PLEKHA4: variants seen among roughly 807,000 people sequenced by gnomAD.
PLEKHA4 encodes the protein pleckstrin homology domain-containing family A member 4.
Under a neutral mutation model 94.7 loss-of-function variants are expected in PLEKHA4, and 73 were observed. That is an observed-to-expected ratio of 0.77 (90% CI 0.64 to 0.94). The LOEUF is 0.94. PLEKHA4 is among the 40% of genes least tolerant of loss of function. The pLI, the probability that PLEKHA4 is intolerant of heterozygous loss-of-function variation, is 0.00. For missense variants in PLEKHA4, 1,049 were observed against 1,054.1 expected (o/e 1.00, Z 0.07); for synonymous variants, 449 against 437.1 (o/e 1.03, Z -0.34).
At chr19:48,845,710 AATAGG>A in intron 14 of PLEKHA4, 94 bp from the exon 15 acceptor site, 1 of 1,078,710 alleles carries the variant, frequency 9.3e-7, no homozygotes, top group Non-Finnish European at 1.3e-6. Context: ...ATACAGTCTG[AATAGG>A]ATTCAGACCA....
At chr19:48,839,717 C>T (rs753607500) in intron 17 of PLEKHA4, among the ~76,000 whole-genome samples, 15 of 150,302 alleles carry the variant, frequency 1.0e-4, no homozygotes, top group Non-Finnish European at 1.5e-4. Context: ...CAATGTTTAA[C>T]TTTACCTGTG....
chr19:48,852,530 C>T (rs557766958), intron 12 of PLEKHA4, among the ~76,000 whole-genome samples: 3 of 152,260 alleles, frequency 2.0e-5, no homozygotes, highest in African/African-American at 2.4e-5. Context: ...TTCCAGTACA[C>T]TGCTAGTGTA....
chr19:48,863,303 G>C (rs1476413689), intron 3 of PLEKHA4, among the ~76,000 whole-genome samples: 4 of 152,166 alleles, frequency 2.6e-5, no homozygotes, highest in South Asian at 4.1e-4. Context: ...ACCCAGGCTG[G>C]AGTGCAGTGG....
chr19:48,845,306 T>G (rs1199200312), intron 16 of PLEKHA4, 64 bp downstream of exon 16: 20 of 1,502,834 alleles, frequency 1.3e-5, no homozygotes, highest in Non-Finnish European at 1.8e-5. Context: ...CCTAGCTGTT[T>G]CCCAGAAGTG....
At chr19:48,856,666 C>T (rs1346174316) in intron 9 of PLEKHA4, among the ~76,000 whole-genome samples, 2 of 151,728 alleles carry the variant, frequency 1.3e-5, no homozygotes, top group South Asian at 2.1e-4. Flanking sequence ...TGCAGTGAAC[C>T]GAGATCGCGC....
chr19:48,867,596 T>C lies in PLEKHA4; in HGVS notation c.25A>G (p.Ser9Gly), dbSNP rs2036878223. The C allele has an allele frequency of 1.2e-6, 2 of 1,600,342 alleles. No homozygotes were observed. Among genetic ancestry groups the C allele is most frequent in the East Asian group, 4.5e-5 (2 of 44,438 alleles). The change falls in exon 2 of 20, where the codon AGC becomes GGC. Residue 9 changes from serine (S) to glycine (G), a missense_variant. Physicochemically the swap from Ser to Gly is moderately conservative, Grantham distance 56. Coordinates refer to ENST00000263265, the MANE Select transcript of PLEKHA4 (RefSeq NM_020904.3). This position sits in a 1 kb window ranked among gnomAD's most constrained non-coding sequence, Gnocchi z 4.7. MEGSRPRS[S>G]LSLASSASTI... is the part of the protein sequence containing the mutation. ...GAGGCGCTGCTGGCCAGGCTCAGGC[T>C]GCTGCGAGGTCGGCTCCCCTCCATC...
chr19:48,854,514 G>A (rs1006633719), intron 9 of PLEKHA4, among the ~76,000 whole-genome samples: 3 of 151,554 alleles, frequency 2.0e-5, no homozygotes, highest in Admixed American at 6.6e-5. Context: ...GACCACAGGC[G>A]CACACATCAT....
intron 8 of PLEKHA4, among the ~76,000 whole-genome samples, chr19:48,858,581 C>T (rs1013053303): frequency 3.5e-5 from 5 of 143,138 alleles, no homozygotes; most frequent in Admixed American, 2.1e-4. Context: ...GAGCCGAGAT[C>T]GTGCCACTGC....
chr19:48,866,393 G>A (rs1378365780), intron 2 of PLEKHA4, among the ~76,000 whole-genome samples: 1 of 151,958 alleles, frequency 6.6e-6, no homozygotes, highest in African/African-American at 2.4e-5. Context: ...TGCAACCCCT[G>A]CCTCTCGGGT....
intron 8 of PLEKHA4, 98 bp from the exon 9 acceptor site, chr19:48,857,594 C>G (rs1024816387): frequency 2.5e-5 from 18 of 717,834 alleles, no homozygotes; most frequent in Non-Finnish European, 4.4e-5. Flanking sequence ...GCCTTGGGAT[C>G]CTGTTGATCT....
chr19:48,856,277 GGAAA>G (rs1055037381), intron 9 of PLEKHA4, among the ~76,000 whole-genome samples: 18 of 149,078 alleles, frequency 1.2e-4, no homozygotes, highest in South Asian at 2.1e-4. Context: ...AGGGGAAGGG[GGAAA>G]GAAAGAAAGA....
At chr19:48,843,405 T>C (rs1484855405) in intron 16 of PLEKHA4, among the ~76,000 whole-genome samples, 1 of 152,042 alleles carries the variant, frequency 6.6e-6, no homozygotes, top group African/African-American at 2.4e-5. Context: ...GGTTTCGAAC[T>C]CCTGACCTTG....
intron 9 of PLEKHA4, 121 bp downstream of exon 9, chr19:48,857,300 AC>A (rs1203106586): frequency 1.7e-6 from 1 of 574,260 alleles, no homozygotes; most frequent in Non-Finnish European, 3.1e-6. Context: ...TCTAATACCT[AC>A]CCAGGGTCTT....
chr19:48,868,252 G>GTCTC lies in PLEKHA4; in HGVS notation c.-180_-177dup, dbSNP rs144126157. The GTCTC allele has an allele frequency of 2.0e-5, 3 of 150,764 alleles. No homozygotes were observed. The highest frequency in any genetic ancestry group is 7.3e-5 in the African/African-American group (3 of 40,994). 9.3% of individuals were successfully genotyped at this position (150,764 alleles called of 1,614,324 possible). A position where few individuals can be genotyped will look rare whatever the true frequency, so the allele number is the denominator to read the frequency against. The stretch of plus-strand genomic sequence containing the variant: ...GTCTCTTTGTCTCCTGTCTCTTACG[G>GTCTC]TCTCTCTCTCTCTCTCTTCCTTTTA... On this transcript the variant is annotated 5_prime_UTR_variant, in exon 1 of 20. Coordinates refer to ENST00000263265, the MANE Select transcript of PLEKHA4 (RefSeq NM_020904.3).
chr19:48,841,117 C>G, intron 17 of PLEKHA4, 32 bp downstream of exon 17: 1 of 1,592,154 alleles, frequency 6.3e-7, no homozygotes, highest in Non-Finnish European at 8.6e-7. Flanking sequence ...TACTACCACC[C>G]CACCGCCCAG....
chr19:48,861,947 G>A (rs543452568), intron 3 of PLEKHA4, among the ~76,000 whole-genome samples: 36 of 151,822 alleles, frequency 2.4e-4, no homozygotes, highest in African/African-American at 6.5e-4. Flanking sequence ...GTAACATGGC[G>A]AAACCCCATC....
At chr19:48,854,925 T>C (rs1366490768) in intron 9 of PLEKHA4, among the ~76,000 whole-genome samples, 3 of 151,318 alleles carry the variant, frequency 2.0e-5, no homozygotes, top group Non-Finnish European at 2.9e-5. Context: ...AGACCAGTCT[T>C]GAACTCCTGA....
rs777560012 is a variant in PLEKHA4 at position 48,852,269 on chromosome 19, T to C, written c.1384A>G (p.Arg462Gly). The C allele has an allele frequency of 6.2e-7, 1 of 1,614,128 alleles. No homozygotes were observed. Among genetic ancestry groups the C allele is most frequent in the Non-Finnish European group, 8.5e-7 (1 of 1,180,038 alleles). The part of the protein sequence containing the change: ...SGLEQELGTL[R>G]ETLEYLLHLG... ...TGCAGCAGGTACTCCAGCGTCTCTC[T>C]TAAGGTGCCCAGCTCCTGCTCCAGG... is the stretch of plus-strand genomic sequence containing the variant. Residue 462 changes from arginine (R) to glycine (G), a missense_variant, in exon 13 of 20, where the codon AGA becomes GGA. Coordinates refer to ENST00000263265, the MANE Select transcript of PLEKHA4 (RefSeq NM_020904.3).
intron 13 of PLEKHA4, among the ~76,000 whole-genome samples, chr19:48,851,849 T>C (rs1599892450): frequency 6.6e-6 from 1 of 151,562 alleles, no homozygotes; most frequent in African/African-American, 2.4e-5. Context: ...GAGGCTGAGG[T>C]GGGAGAATCA....
Sources: allele counts gnomAD v4.1 joint callset (sites outside exome capture counted in the v4.1 genomes callset), GRCh38; gene constraint gnomAD v4.1.1; non-coding constraint Gnocchi (gnomAD v3.1); transcripts MANE v1.5; gene names NCBI Gene and HGNC (gene_info 2026-07-23, HGNC 2026-07-21).